ARHGEF28: variants seen among roughly 807,000 people sequenced by gnomAD.
ARHGEF28 encodes the protein 190 kDa guanine nucleotide exchange factor.
In ARHGEF28, 152 loss-of-function variants were observed where a neutral mutation model predicts 206.6. The observed-to-expected ratio is 0.74, with a 90% CI of 0.64 to 0.84. The LOEUF (loss-of-function observed/expected upper bound fraction) is 0.84. ARHGEF28 is among the 40% of genes least tolerant of loss of function. The pLI, the probability that ARHGEF28 is intolerant of heterozygous loss-of-function variation, is 0.00. For synonymous variants in ARHGEF28, 763 were observed against 776.4 expected (o/e 0.98, Z 0.29); for missense variants, 2,028 against 2,073.2 (o/e 0.98, Z 0.42).
At chr5:73,854,547 T>A (rs1234937760) in intron 14 of ARHGEF28, among the ~76,000 whole-genome samples, 1 of 152,146 alleles carries the variant, frequency 6.6e-6, no homozygotes, top group East Asian at 1.9e-4. Flanking sequence ...TTCAGCCCTT[T>A]AGGCCCGGTG....
rs375654208 is a variant in ARHGEF28 at position 73,749,689 on chromosome 5, T to C, written c.34-148T>C. On this transcript the variant is annotated intron_variant, in intron 2 of 35. Transcript: ENST00000513042. ...TTCCCTAATGTCAAATGTGTTGTTG[T>C]TGGAAGGAAGCACTCATGCTATTTG... is the stretch of plus-strand genomic sequence containing the variant. The C allele has an allele frequency of 6.6e-6, 5 of 753,020 alleles. No homozygotes were observed. The African/African-American group carries it at 8.8e-5, about 13-fold the overall frequency. 46.6% of individuals were successfully genotyped at this position (753,020 alleles called of 1,614,324 possible).
At chr5:73,653,824 T>TC (rs1260466114) in intron 1 of ARHGEF28, among the ~76,000 whole-genome samples, 5 of 151,936 alleles carry the variant, frequency 3.3e-5, no homozygotes, top group African/African-American at 7.2e-5. Flanking sequence ...TGCCCTCTGT[T>TC]CCCCCCCGTC....
At chr5:73,657,024 T>C (rs1448623923) in intron 1 of ARHGEF28, among the ~76,000 whole-genome samples, 1 of 151,764 alleles carries the variant, frequency 6.6e-6, no homozygotes, top group Non-Finnish European at 1.5e-5. Flanking sequence ...ATATAAAAAA[T>C]TAGCCAGGCA....
intron 2 of ARHGEF28, among the ~76,000 whole-genome samples, chr5:73,710,431 C>G (rs1749171340): frequency 6.6e-6 from 1 of 152,130 alleles, no homozygotes; most frequent in African/African-American, 2.4e-5. Flanking sequence ...ATGTAAGGGT[C>G]CTGGATACAG....
intron 4 of ARHGEF28, among the ~76,000 whole-genome samples, chr5:73,757,641 G>A (rs1467408007): frequency 6.6e-6 from 1 of 152,106 alleles, no homozygotes; most frequent in Non-Finnish European, 1.5e-5. Flanking sequence ...TATCTTACCC[G>A]TCATTAGTCA....
chr5:73,806,843 T>C (rs1755531670), intron 9 of ARHGEF28, among the ~76,000 whole-genome samples: 1 of 146,986 alleles, frequency 6.8e-6, no homozygotes, highest in South Asian at 2.1e-4. Context: ...ATATATGGTA[T>C]ATATCGATAT....
intron 33 of ARHGEF28, chr5:73,909,110 C>G (rs1243633788): frequency 1.9e-5 from 5 of 259,554 alleles, no homozygotes; most frequent in Admixed American, 4.8e-5. Context: ...TCAGAAGACT[C>G]GCTTAACTAT....
chr5:73,877,258 G>A (rs1314792583), intron 22 of ARHGEF28, among the ~76,000 whole-genome samples: 34 of 151,468 alleles, frequency 2.2e-4, no homozygotes, highest in South Asian at 1.3e-3. Context: ...CTGTGGGATC[G>A]GTGGTGATAT....
intron 1 of ARHGEF28, among the ~76,000 whole-genome samples, chr5:73,666,071 ACT>A (rs1745935814): frequency 6.6e-6 from 1 of 152,216 alleles, no homozygotes; most frequent in Admixed American, 6.5e-5. Flanking sequence ...AAGAATATGT[ACT>A]TCCAAAATAT....
intron 35 of ARHGEF28, among the ~76,000 whole-genome samples, chr5:73,926,434 T>C (rs945952389): frequency 2.6e-5 from 4 of 152,314 alleles, no homozygotes; most frequent in Admixed American, 6.5e-5. Context: ...GCTCACCTCC[T>C]GCAGTTAAAT....
At chr5:73,710,477 C>G (rs1240416968) in intron 2 of ARHGEF28, among the ~76,000 whole-genome samples, 1 of 152,046 alleles carries the variant, frequency 6.6e-6, no homozygotes, top group Non-Finnish European at 1.5e-5. Context: ...AATATTTTCT[C>G]CTAGTCTCTG....
chr5:73,671,541 A>C (rs555195988), intron 1 of ARHGEF28, among the ~76,000 whole-genome samples: 2 of 151,684 alleles, frequency 1.3e-5, no homozygotes, highest in South Asian at 4.2e-4. Context: ...TATAAAAATG[A>C]GGGGAAAATA....
intron 14 of ARHGEF28, 102 bp downstream of exon 14, chr5:73,852,794 T>C: frequency 8.0e-7 from 1 of 1,248,370 alleles, no homozygotes. Context: ...ATGAGAGGTT[T>C]CCATGTAACA....
intron 2 of ARHGEF28, among the ~76,000 whole-genome samples, chr5:73,746,003 C>G (rs1299214187): frequency 6.6e-6 from 1 of 151,936 alleles, no homozygotes; most frequent in South Asian, 2.1e-4. Flanking sequence ...ATTAAATCAG[C>G]GAGGAACTGT....
intron 2 of ARHGEF28, among the ~76,000 whole-genome samples, chr5:73,727,471 C>T (rs1393989177): frequency 6.6e-6 from 1 of 152,130 alleles, no homozygotes; most frequent in African/African-American, 2.4e-5. Context: ...TGGTCATCTA[C>T]TCTCCTTAAG....
At chr5:73,841,712 G>GAAAAAAAAAAAAAAAGGGGAAAAAGAA (rs1757998697) in intron 11 of ARHGEF28, among the ~76,000 whole-genome samples, 1 of 110,830 alleles carries the variant, frequency 9.0e-6, no homozygotes, top group Non-Finnish European at 1.8e-5. Flanking sequence ...TCAAAAAGAA[G>GAAAAAAAAAAAAAAAGGGGAAAAAGAA]AAAAAAAAAA....
chr5:73,762,094 G>A (rs551629266), intron 4 of ARHGEF28, among the ~76,000 whole-genome samples: 1 of 151,318 alleles, frequency 6.6e-6, no homozygotes, highest in East Asian at 2.0e-4. Context: ...CAGCCTCTGA[G>A]TAGCTGGGAC....
chr5:73,773,989 G>T lies in ARHGEF28; in HGVS notation c.610G>T (p.Asp204Tyr). The T allele has an allele frequency of 6.2e-7, 1 of 1,606,484 alleles. No individual in the cohort carries two copies. The highest frequency in any genetic ancestry group is 1.1e-5 in the South Asian group (1 of 89,118). ...LPNEEGATPL[D>Y]LALREGHSKL... ...CAACGAAGAGGGTGCCACACCATTA[G>T]ACTTAGCTTTACGTGAAGGACACTC... Residue 204 changes from aspartate (D) to tyrosine (Y), a missense_variant, in exon 5 of 36, where the codon GAC (aspartate) becomes TAC (tyrosine). Asp to Tyr is a radical substitution (Grantham distance 160). Coordinates refer to ENST00000513042, the MANE Select transcript of ARHGEF28 (RefSeq NM_001177693.2).
At chr5:73,789,223 T>A (rs1754324143) in intron 7 of ARHGEF28, among the ~76,000 whole-genome samples, 1 of 152,234 alleles carries the variant, frequency 6.6e-6, no homozygotes, top group African/African-American at 2.4e-5. Flanking sequence ...TAAAGAGGAA[T>A]GAAGTACTAA....
Sources: allele counts gnomAD v4.1 joint callset (sites outside exome capture counted in the v4.1 genomes callset), GRCh38; gene constraint gnomAD v4.1.1; transcripts MANE v1.5; gene names NCBI Gene and HGNC (gene_info 2026-07-23, HGNC 2026-07-21).